The following CFAP99 variants were observed in gnomAD, a reference collection of about 807,000 sequenced individuals.
CFAP99 encodes the protein cilia- and flagella-associated protein 99.
Under a neutral mutation model 82.7 loss-of-function variants are expected in CFAP99, and 84 were observed. The observed-to-expected ratio is 1.02, with a 90% CI of 0.85 to 1.22. CFAP99 has a LOEUF of 1.22. CFAP99 is among the 50% of genes most tolerant of loss of function. The pLI, the probability that CFAP99 is intolerant of heterozygous loss-of-function variation, is 0.00. For missense variants in CFAP99, 1,059 were observed against 983.5 expected (o/e 1.08, Z -1.03); for synonymous variants, 456 against 429.5 (o/e 1.06, Z -0.76).
chr4:2,451,375 A>T (rs1167838020), intron 10 of CFAP99, 23 bp downstream of exon 10: 1 of 1,531,774 alleles, frequency 6.5e-7, no homozygotes. Flanking sequence ...AGGCCCCCCC[A>T]CCTGCCTTCC....
chr4:2,460,061 G>C (rs1263877072), exon 14 of CFAP99: 1 of 1,536,026 alleles, frequency 6.5e-7, no homozygotes, highest in Non-Finnish European at 8.7e-7. Flanking sequence ...CCTGGAAGGA[G>C]AGATGTCCAT....
Position 2,462,188 on chromosome 4 carries a change from T to C in CFAP99, c.1662-255T>C. The C allele has an allele frequency of 2.8e-6, 1 of 361,540 alleles. No homozygotes were observed. Among genetic ancestry groups the C allele is most frequent in the Non-Finnish European group, 4.9e-6 (1 of 203,666 alleles). 22.4% of individuals were successfully genotyped at this position (361,540 alleles called of 1,614,324 possible). A position where few individuals can be genotyped will look rare whatever the true frequency, so the allele number is the denominator to read the frequency against. The stretch of plus-strand genomic sequence containing the variant: ...ACAAACAAACAACAACAACAAAAAT[T>C]AAAGAAAAGAAAAAAAGAGCAAAAG... On this transcript the variant is annotated intron_variant, in intron 14 of 14. Transcript: ENST00000635017. The surrounding 1 kb of genome is among the most constrained non-coding windows in gnomAD (Gnocchi z 4.1).
chr4:2,441,318 A>G (rs2108723846), intron 4 of CFAP99, among the ~76,000 whole-genome samples: 1 of 148,656 alleles, frequency 6.7e-6, no homozygotes, highest in Non-Finnish European at 1.5e-5. Flanking sequence ...GGTTGCAGTG[A>G]GCTGAGATGG....
At position 2,442,265 on chromosome 4, in the gene CFAP99, A is replaced by G. The variant is rs532928808; in HGVS notation, c.352-865A>G. Among the ~76,000 whole-genome samples, 9 of 151,878 alleles carry G rather than the reference A, an allele frequency of 5.9e-5. No individual in the cohort carries two copies. In the East Asian group the frequency reaches 7.8e-4, roughly 13 times the overall value. On this transcript the variant is annotated intron_variant, in intron 4 of 14. Transcript: ENST00000635017. ...AATGGGGGTGGCCAGAAGGAAGGTA[A>G]GTAGAGACCCCAGCCTCGGGGCAGG... is the stretch of plus-strand genomic sequence containing the variant.
At chr4:2,420,481 G>T (rs1196518954) in intron 1 of CFAP99, among the ~76,000 whole-genome samples, 1 of 151,996 alleles carries the variant, frequency 6.6e-6, no homozygotes, top group East Asian at 1.9e-4. Flanking sequence ...CACTTGATGG[G>T]CTTGTCCACT....
At chr4:2,426,671 C>CTAAT (rs1733691705) in intron 2 of CFAP99, 85 bp downstream of exon 2, 2 of 841,388 alleles carry the variant, frequency 2.4e-6, no homozygotes, top group African/African-American at 3.4e-5. Flanking sequence ...AAATGCCTTC[C>CTAAT]TAACGACTGC....
chr4:2,438,148 T>C (rs371219385), exon 4 of CFAP99: 5 of 1,535,144 alleles, frequency 3.3e-6, no homozygotes, highest in Non-Finnish European at 3.5e-6. Flanking sequence ...TCCCAGCCCG[T>C]GGATAAGATG....
intron 11 of CFAP99, 144 bp from the exon 12 acceptor site, chr4:2,458,579 G>C: frequency 1.0e-6 from 1 of 1,000,594 alleles, no homozygotes; most frequent in Non-Finnish European, 1.4e-6. Context: ...AGGAGTGAAT[G>C]GGCTTAGACC....
chr4:2,453,899 C>T (rs557429074), intron 11 of CFAP99, among the ~76,000 whole-genome samples: 23 of 151,810 alleles, frequency 1.5e-4, no homozygotes, highest in African/African-American at 4.4e-4. Flanking sequence ...CTGCAACTTC[C>T]GCCTCCCGGG....
At chr4:2,459,353 G>A (rs1195969014) in intron 13 of CFAP99, 95 bp downstream of exon 13, 15 of 1,393,556 alleles carry the variant, frequency 1.1e-5, no homozygotes, top group Non-Finnish European at 1.0e-5. Context: ...CAGAGCCACA[G>A]GTGGGTCTTG....
At chr4:2,457,869 G>A (rs1334176970) in intron 11 of CFAP99, among the ~76,000 whole-genome samples, 2 of 152,232 alleles carry the variant, frequency 1.3e-5, no homozygotes, top group Admixed American at 6.5e-5. Context: ...ACCTGAGGAG[G>A]TGGGCGTGGC....
At chr4:2,433,288 G>C (rs934335776) in intron 2 of CFAP99, among the ~76,000 whole-genome samples, 6 of 152,320 alleles carry the variant, frequency 3.9e-5, no homozygotes, top group African/African-American at 1.4e-4. Flanking sequence ...GCCGGTGCCT[G>C]AGCCGGGGAG....
chr4:2,426,570 C>T (rs1295812105), exon 2 of CFAP99: 7 of 1,535,260 alleles, frequency 4.6e-6, no homozygotes, highest in East Asian at 2.4e-5. Flanking sequence ...CTGGAGGCTG[C>T]GGCCACCTCC....
chr4:2,422,268 A>T (rs1733599796), intron 1 of CFAP99, among the ~76,000 whole-genome samples: 1 of 152,202 alleles, frequency 6.6e-6, no homozygotes, highest in Non-Finnish European at 1.5e-5. Context: ...TCAGGGGTGC[A>T]GAGGCCCCGC....
chr4:2,422,557 G>A (rs1183121614), intron 1 of CFAP99, among the ~76,000 whole-genome samples: 1 of 152,136 alleles, frequency 6.6e-6, no homozygotes, highest in Admixed American at 6.5e-5. Flanking sequence ...GAGACGGCAG[G>A]GAAACTGTTC....
chr4:2,421,638 C>T (rs1013742251), intron 1 of CFAP99, among the ~76,000 whole-genome samples: 1 of 152,038 alleles, frequency 6.6e-6, no homozygotes, highest in African/African-American at 2.4e-5. Context: ...CATGAGCCAC[C>T]GCGCCCAGCC....
At chr4:2,424,205 G>C (rs1042964223) in intron 1 of CFAP99, among the ~76,000 whole-genome samples, 4 of 152,204 alleles carry the variant, frequency 2.6e-5, no homozygotes, top group Admixed American at 6.5e-5. Flanking sequence ...GATCACCTGA[G>C]GTCAGGAGTT....
Position 2,462,718 on chromosome 4 carries a change from G to A in CFAP99, c.1937G>A (p.Arg646Gln). Residue 646 changes from arginine (R) to glutamine (Q), a missense_variant, in exon 15 of 15, where the codon CGG (arginine) becomes CAG (glutamine). By Grantham distance (43) the Arg-to-Gln change is conservative (BLOSUM62 1). Coordinates refer to ENST00000635017, the Ensembl canonical transcript of CFAP99. The surrounding 1 kb of genome is among the most constrained non-coding windows in gnomAD (Gnocchi z 4.1). ...CCGGGGCGGGGATGGCGGGGAGATCGGGTCCGGTCCGCGGCCGGGAGATAC... is the reference window on the plus strand; with the variant it reads ...CCGGGGCGGGGATGGCGGGGAGATCAGGTCCGGTCCGCGGCCGGGAGATAC... 8.1e-7 allele frequency: 1 copy of A among 1,241,404 alleles called. No homozygotes were observed. Among genetic ancestry groups the A allele is most frequent in the Non-Finnish European group, 1.0e-6 (1 of 989,576 alleles). The allele number at this position is 1,241,404 out of a possible 1,614,324, so 76.9% of individuals were successfully genotyped here. A position where few individuals can be genotyped will look rare whatever the true frequency, so the allele number is the denominator to read the frequency against.
intron 4 of CFAP99, among the ~76,000 whole-genome samples, chr4:2,441,350 G>C (rs973792129): frequency 6.1e-5 from 9 of 147,606 alleles, no homozygotes; most frequent in Non-Finnish European, 1.2e-4. Context: ...TCCAGCCTGG[G>C]CGACAGAGCG....
Sources: allele counts gnomAD v4.1 joint callset (sites outside exome capture counted in the v4.1 genomes callset), GRCh38; gene constraint gnomAD v4.1.1; non-coding constraint Gnocchi (gnomAD v3.1); transcripts MANE v1.5; gene names NCBI Gene and HGNC (gene_info 2026-07-23, HGNC 2026-07-21).